The following ATP6V0A4 variants were observed in gnomAD, a reference collection of about 807,000 sequenced individuals.
ATP6V0A4 encodes the protein V-type proton ATPase 116 kDa subunit a 4.
In ATP6V0A4, 86 loss-of-function variants were observed where a neutral mutation model predicts 107.3. The observed-to-expected ratio is 0.80, with a 90% CI of 0.67 to 0.96. The LOEUF (loss-of-function observed/expected upper bound fraction) is 0.96, where lower values mean the gene tolerates loss of function less well. ATP6V0A4 is among the 40% of genes least tolerant of loss of function. The pLI is 0.00. For synonymous variants in ATP6V0A4, 353 were observed against 381.4 expected, an observed-to-expected ratio of 0.93 and a Z score of 0.87; for missense variants, 908 against 1,045.6, an observed-to-expected ratio of 0.87 and a Z score of 1.81.
At chr7:138,785,278 CT>C (rs67440202) in intron 2 of ATP6V0A4, among the ~76,000 whole-genome samples, 59,260 of 131,296 alleles carry the variant, frequency 0.45, 12,083 homozygotes, top group South Asian at 0.55. Flanking sequence ...TTTCTTTTTT[CT>C]TTTTTTTTTT....
chr7:138,739,715 G>C lies in ATP6V0A4; in HGVS notation c.1479-82C>G, dbSNP rs1029951309. 13 of 1,568,784 alleles carry C rather than the reference G, an allele frequency of 8.3e-6. No individual in the cohort carries two copies. In the African/African-American group the frequency reaches 1.8e-4, roughly 21 times the overall value. On this transcript the variant is annotated intron_variant, in intron 14 of 21. Coordinates refer to ENST00000310018, the MANE Select transcript of ATP6V0A4 (RefSeq NM_020632.3). ...CTATAATACCACCAGTCACGAACTT[G>C]CCCATCAAAGTCCAACTACTGGTGC...
Position 138,791,430 on chromosome 7 carries a change from G to A in ATP6V0A4, c.-120-5170C>T, listed in dbSNP as rs1318466579. On this transcript the variant is annotated intron_variant, in intron 1 of 21. Coordinates refer to ENST00000310018, the MANE Select transcript of ATP6V0A4 (RefSeq NM_020632.3). Reference sequence around the variant, plus strand: ...GGTTCACAAGTAGTATTTGATGGCTGAGAAGTTTTCAAAACTTATTAATAA... The same window carrying A: ...GGTTCACAAGTAGTATTTGATGGCTAAGAAGTTTTCAAAACTTATTAATAA... Among the ~76,000 whole-genome samples the A allele has an allele frequency of 2.0e-5, 3 of 152,174 alleles. No individual in the cohort carries two copies. The East Asian group carries it at 5.8e-4, about 29-fold the overall frequency.
intron 2 of ATP6V0A4, among the ~76,000 whole-genome samples, chr7:138,784,238 A>ATAAG (rs763590795): frequency 2.0e-5 from 1 of 49,004 alleles, no homozygotes; most frequent in Non-Finnish European, 3.8e-5. Flanking sequence ...ATATATACGT[A>ATAAG]TATATATATA....
chr7:138,764,028 G>C (rs1806965235), intron 5 of ATP6V0A4, among the ~76,000 whole-genome samples: 1 of 148,966 alleles, frequency 6.7e-6, no homozygotes, highest in Admixed American at 6.7e-5. Context: ...ATGTATATAT[G>C]TATATGTATA....
At chr7:138,710,837 A>G (rs59700409) in intron 20 of ATP6V0A4, among the ~76,000 whole-genome samples, 4,909 of 152,118 alleles carry the variant, frequency 0.032, 192 homozygotes, top group East Asian at 0.098. Flanking sequence ...GCCCAACAAC[A>G]TCTTATACGT....
chr7:138,725,442 C>G (rs115590311), intron 18 of ATP6V0A4, among the ~76,000 whole-genome samples: 1 of 152,040 alleles, frequency 6.6e-6, no homozygotes, highest in East Asian at 1.9e-4. Context: ...ACAGGCAAAA[C>G]GAACTGACAG....
chr7:138,729,087 C>T (rs1804859435), intron 17 of ATP6V0A4, among the ~76,000 whole-genome samples: 1 of 152,204 alleles, frequency 6.6e-6, no homozygotes, highest in Non-Finnish European at 1.5e-5. Flanking sequence ...ACACTGGAAA[C>T]TCTCTGTATT....
chr7:138,756,481 C>G lies in ATP6V0A4; in HGVS notation c.699G>C (p.Gln233His), dbSNP rs1563004634. 6.2e-7 allele frequency: 1 copy of G among 1,610,972 alleles called. No homozygotes were observed. The change falls in exon 9 of 22, where the codon CAG becomes CAC. Residue 233 changes from glutamine to histidine, a missense_variant. Gln to His is a conservative substitution (Grantham distance 24). Transcript: ENST00000310018. The part of the protein sequence containing the change: ...IIFYQGEQLR[Q>H]KIKKICDGFR... ...ACCCATCACAGATCTTCTTGATTTT[C>G]TGCCTGAGCTGCTCTCCTTGGTAAA... is the stretch of plus-strand genomic sequence containing the variant.
intron 8 of ATP6V0A4, among the ~76,000 whole-genome samples, chr7:138,759,052 A>ATTTTTTTTTTTTTTTTTTTTT (rs33940158): frequency 1.8e-5 from 1 of 54,560 alleles, no homozygotes; most frequent in African/African-American, 8.7e-5. Flanking sequence ...TGCCCAGCCT[A>ATTTTTTTTTTTTTTTTTTTTT]TTTTTTTTTT....
Position 138,749,263 on chromosome 7 carries a change from CTGTTTT to C in ATP6V0A4, c.1078_1083del (p.Lys360_Thr361del). ...TTGGTCCTGTTAAATGTGGGAGGGG[CTGTTTT>C]AGATTGCACTGTGGTCATGATGGGG... is the stretch of plus-strand genomic sequence containing the variant. On this transcript the variant is annotated inframe_deletion, in exon 12 of 22. Transcript: ENST00000310018. The C allele has an allele frequency of 6.2e-7, 1 of 1,603,316 alleles. No individual in the cohort carries two copies. Among genetic ancestry groups the C allele is most frequent in the South Asian group, 1.1e-5 (1 of 90,778 alleles).
At chr7:138,725,014 C>T (rs1804635955) in intron 18 of ATP6V0A4, among the ~76,000 whole-genome samples, 2 of 152,162 alleles carry the variant, frequency 1.3e-5, no homozygotes, top group African/African-American at 4.8e-5. Flanking sequence ...CTCACACTTA[C>T]AATCCCAGTG....
At chr7:138,797,710 C>T (rs2130253109) in intron 1 of ATP6V0A4, among the ~76,000 whole-genome samples, 1 of 152,082 alleles carries the variant, frequency 6.6e-6, no homozygotes, top group Admixed American at 6.6e-5. Context: ...GAATATTGGC[C>T]CAAATGGAAT....
chr7:138,714,413 C>T (rs1164808516), intron 20 of ATP6V0A4, among the ~76,000 whole-genome samples: 2 of 151,822 alleles, frequency 1.3e-5, no homozygotes, highest in African/African-American at 4.8e-5. Flanking sequence ...ACCCCAGGGG[C>T]TCGGATCTTT....
intron 18 of ATP6V0A4, among the ~76,000 whole-genome samples, chr7:138,727,791 G>C (rs1267353707): frequency 6.6e-6 from 1 of 152,224 alleles, no homozygotes; most frequent in Non-Finnish European, 1.5e-5. Context: ...AACCGTCTGT[G>C]TGTCAGAGCT....
In ATP6V0A4 at chr7:138,714,282, G is replaced by A. The variant is rs537909046; in HGVS notation, c.2257+1482C>T. ...CCTCAGGGCCACTGCATATGAAACGGATGGGTCTGGAGTGCTGGGGCACTA... is the reference window on the plus strand; with the variant it reads ...CCTCAGGGCCACTGCATATGAAACGAATGGGTCTGGAGTGCTGGGGCACTA... On this transcript the variant is annotated intron_variant, in intron 20 of 21. Transcript: ENST00000310018. Among the ~76,000 whole-genome samples the A allele has an allele frequency of 8.6e-5, 13 of 150,930 alleles. No individual in the cohort carries two copies. In the South Asian group the frequency reaches 1.9e-3, roughly 22 times the overall value.
intron 21 of ATP6V0A4, among the ~76,000 whole-genome samples, chr7:138,708,750 A>C (rs951247616): frequency 6.6e-6 from 1 of 152,138 alleles, no homozygotes; most frequent in Non-Finnish European, 1.5e-5. Flanking sequence ...CCTTGTTGGT[A>C]TAACTCCTCT....
chr7:138,787,342 G>A (rs28569409), intron 1 of ATP6V0A4, among the ~76,000 whole-genome samples: 2,277 of 152,106 alleles, frequency 0.015, 66 homozygotes, highest in African/African-American at 0.052. Context: ...TTTTCCCCTC[G>A]TGTTCCCCTT....
intron 15 of ATP6V0A4, 56 bp from the exon 16 acceptor site, chr7:138,734,310 G>T: frequency 6.2e-7 from 1 of 1,607,298 alleles, no homozygotes; most frequent in Non-Finnish European, 8.5e-7. Flanking sequence ...AAGTTCTACT[G>T]GAGTTGAGGG....
In ATP6V0A4 at chr7:138,733,106, G is replaced by T; in HGVS notation, c.1692-13C>A. The T allele has an allele frequency of 1.2e-6, 2 of 1,613,804 alleles. No individual in the cohort carries two copies. Among genetic ancestry groups the T allele is most frequent in the East Asian group, 4.5e-5 (2 of 44,866 alleles). On this transcript the variant is annotated splice_polypyrimidine_tract_variant and intron_variant, in intron 16 of 21. Transcript: ENST00000310018. ...TCTTCTGAAGTATCTGGGGGTGGAA[G>T]ACACACACATACACAAGATAGAACA... is the stretch of plus-strand genomic sequence containing the variant.
Sources: gnomAD v4.1 joint callset for allele counts (sites outside exome capture counted in the v4.1 genomes callset) on GRCh38, gnomAD v4.1.1 for gene constraint, MANE v1.5 for transcripts, NCBI Gene and HGNC (gene_info 2026-07-23, HGNC 2026-07-21) for gene names.